The following CDC42BPB variants were observed in gnomAD, a reference collection of about 807,000 sequenced individuals.
CDC42BPB encodes CDC42 binding protein kinase beta, also known as serine/threonine-protein kinase MRCK beta.
Under a neutral mutation model 214.9 loss-of-function variants are expected in CDC42BPB, and 37 were observed. The ratio of observed to expected loss-of-function variants is 0.17; its 90% CI spans 0.13 to 0.23. The LOEUF is 0.23. CDC42BPB is among the 10% of genes least tolerant of loss of function. CDC42BPB has a pLI of 1.00. For synonymous variants in CDC42BPB, 931 were observed against 884.0 expected (o/e 1.05, Z -0.94); for missense variants, 1,694 against 2,227.0 (o/e 0.76, Z 4.82).
At chr14:103,012,019 G>A in intron 2 of CDC42BPB, 78 bp downstream of exon 2, 2 of 886,190 alleles carry the variant, frequency 2.3e-6, no homozygotes, top group Non-Finnish European at 3.8e-6. Context: ...CCAATGTATA[G>A]GTGCACAAAA....
chr14:102,989,051 A>G (rs765841161), intron 5 of CDC42BPB, among the ~76,000 whole-genome samples: 1 of 152,202 alleles, frequency 6.6e-6, no homozygotes, highest in Non-Finnish European at 1.5e-5. Flanking sequence ...ATTACAGATA[A>G]AAGGCAAATA....
chr14:102,964,772 C>CT, intron 18 of CDC42BPB, 122 bp from the exon 19 acceptor site: 3 of 1,345,488 alleles, frequency 2.2e-6, no homozygotes, highest in Non-Finnish European at 2.8e-6. Context: ...GATATTAACT[C>CT]TAAATTATGG....
intron 21 of CDC42BPB, among the ~76,000 whole-genome samples, chr14:102,955,251 C>T (rs373771014): frequency 1.3e-5 from 2 of 152,060 alleles, no homozygotes; most frequent in Non-Finnish European, 1.5e-5. Context: ...GGCGAAACCC[C>T]GTCTCTACTA....
At chr14:102,934,683 C>CCATA (rs1306935167) in intron 36 of CDC42BPB, among the ~76,000 whole-genome samples, 1 of 152,094 alleles carries the variant, frequency 6.6e-6, no homozygotes, top group Non-Finnish European at 1.5e-5. Context: ...AAACAGCTAA[C>CCATA]CATACCCAAT....
Position 103,026,025 on chromosome 14 carries a change from G to A in CDC42BPB, c.176-13837C>T, listed in dbSNP as rs575478321. The stretch of plus-strand genomic sequence containing the variant: ...ACCACATGCTGAAGAATAACTGTGC[G>A]CCCCTACCTCACACCATATACAAAA... On this transcript the variant is annotated intron_variant, in intron 1 of 36. Transcript: ENST00000361246. 1.6e-4 allele frequency among the ~76,000 whole-genome samples: 24 copies of A among 152,210 alleles called. No individual in the cohort carries two copies. In the South Asian group the frequency reaches 2.5e-3, roughly 16 times the overall value.
chr14:103,012,252 T>C (rs1306607144), intron 1 of CDC42BPB, 64 bp from the exon 2 acceptor site: 3 of 1,503,070 alleles, frequency 2.0e-6, no homozygotes, highest in Non-Finnish European at 2.7e-6. Context: ...AAAAATTTAA[T>C]TGAGTGGGGT....
At chr14:102,964,335 A>C (rs1464389683) in intron 19 of CDC42BPB, among the ~76,000 whole-genome samples, 167 bp downstream of exon 19, 4 of 152,226 alleles carry the variant, frequency 2.6e-5, no homozygotes, top group Admixed American at 6.5e-5. Context: ...ACGGCCTGCT[A>C]TTCGGGGCTC....
In CDC42BPB at chr14:102,967,262, A is replaced by T. The variant is rs1893253719; in HGVS notation, c.2347-92T>A. The stretch of plus-strand genomic sequence containing the variant: ...ACTGGAAGTTCTTTTGAAGACTCTG[A>T]AAGTTTTCTTTAATCGTCATGAGAT... On this transcript the variant is annotated intron_variant, in intron 16 of 36. Transcript: ENST00000361246. 3 of 1,476,014 alleles carry T rather than the reference A, an allele frequency of 2.0e-6. No homozygotes were observed. In the African/African-American group the frequency reaches 4.2e-5, roughly 21 times the overall value. The allele number at this position is 1,476,014 out of a possible 1,614,324, so 91.4% of individuals were successfully genotyped here. A position where few individuals can be genotyped will look rare whatever the true frequency, so the allele number is the denominator to read the frequency against.
intron 36 of CDC42BPB, 196 bp from the exon 37 acceptor site, chr14:102,934,039 G>A: frequency 7.4e-7 from 1 of 1,345,914 alleles, no homozygotes; most frequent in Non-Finnish European, 9.5e-7. Context: ...ACAAATTGAT[G>A]TCTAATCCCA....
intron 29 of CDC42BPB, chr14:102,945,327 T>C (rs1363110978): frequency 2.1e-6 from 1 of 475,198 alleles, no homozygotes; most frequent in South Asian, 1.6e-5. Flanking sequence ...CTGGGAAGAC[T>C]GAAGTGTCAA....
At chr14:103,054,976 T>C (rs1888862842) in intron 1 of CDC42BPB, among the ~76,000 whole-genome samples, 1 of 152,250 alleles carries the variant, frequency 6.6e-6, no homozygotes, top group African/African-American at 2.4e-5. Flanking sequence ...AGACTAATCT[T>C]CTAGGTCCCA....
Position 103,021,996 on chromosome 14 carries a change from AG to A in CDC42BPB, c.176-9809del, listed in dbSNP as rs774373009. Among the ~76,000 whole-genome samples the A allele has an allele frequency of 2.4e-4, 36 of 152,198 alleles. 1 individual carries two copies. Among genetic ancestry groups the A allele is most frequent in the Non-Finnish European group, 4.3e-4 (29 of 68,030 alleles). ...GACAGAGGCTGGTGGGCTGAGTGGCAGGGAAGCAGCTGGACAGGTGATGCAG... is the reference window on the plus strand; with the variant it reads ...GACAGAGGCTGGTGGGCTGAGTGGCAGGAAGCAGCTGGACAGGTGATGCAG... On this transcript the variant is annotated intron_variant, in intron 1 of 36. Transcript: ENST00000361246.
chr14:102,944,351 G>C lies in CDC42BPB; in HGVS notation c.3948C>G (p.Gly1316=), dbSNP rs755809535. Residue 1316 remains glycine (G), a synonymous_variant, in exon 30 of 37, where the codon GGC becomes GGG. Transcript: ENST00000361246. This position sits in a 1 kb window ranked among gnomAD's most constrained non-coding sequence, Gnocchi z 6.6. ...TTTCCGGAAGCTTGATGTCAAAGCTGCCTTCCGCTCCATCAAGGGACGACC... is the reference window on the plus strand; with the variant it reads ...TTTCCGGAAGCTTGATGTCAAAGCTCCCTTCCGCTCCATCAAGGGACGACC... ...YPWSSLDGAE[G]SFDIKLPETK... is the part of the protein sequence containing the mutation. The C allele has an allele frequency of 2.5e-5, 41 of 1,613,180 alleles. No individual in the cohort carries two copies. The highest frequency in any genetic ancestry group is 3.5e-5 in the Non-Finnish European group (41 of 1,180,016).
chr14:103,014,464 C>G (rs1886345332), intron 1 of CDC42BPB, among the ~76,000 whole-genome samples: 3 of 152,142 alleles, frequency 2.0e-5, no homozygotes, highest in Admixed American at 2.0e-4. Flanking sequence ...TCTGGGGGAA[C>G]TGAGTGAAGT....
At chr14:102,947,890 T>C in intron 26 of CDC42BPB, 88 bp from the exon 27 acceptor site, 5 of 1,599,196 alleles carry the variant, frequency 3.1e-6, no homozygotes, top group East Asian at 2.3e-5. Flanking sequence ...TGCCCTGCCA[T>C]GTCCTTCCAC....
chr14:102,935,188 T>C (rs1232519779), intron 36 of CDC42BPB, among the ~76,000 whole-genome samples: 2 of 152,094 alleles, frequency 1.3e-5, no homozygotes, highest in Non-Finnish European at 2.9e-5. Flanking sequence ...TCTTTGCAGA[T>C]GACATGATTA....
chr14:102,973,909 C>T lies in CDC42BPB; in HGVS notation c.1641+107G>A, dbSNP rs1384122865. The T allele has an allele frequency of 2.9e-6, 4 of 1,366,994 alleles. No individual in the cohort carries two copies. In the East Asian group the frequency reaches 7.3e-5, roughly 25 times the overall value. The allele number at this position is 1,366,994 out of a possible 1,614,324, so 84.7% of individuals were successfully genotyped here. Reference sequence around the variant, plus strand: ...GGCGTCCTGCATGCAGCAGGGACAGCCCATGGGCAGGAGTCCCAAGAGGTC... The same window carrying T: ...GGCGTCCTGCATGCAGCAGGGACAGTCCATGGGCAGGAGTCCCAAGAGGTC... On this transcript the variant is annotated intron_variant, in intron 12 of 36. Transcript: ENST00000361246.
At chr14:102,959,189 T>A (rs1351317172) in intron 21 of CDC42BPB, among the ~76,000 whole-genome samples, 1 of 150,806 alleles carries the variant, frequency 6.6e-6, no homozygotes, top group Admixed American at 6.6e-5. Context: ...CCCAGCTACT[T>A]GGGAGGCTGA....
Position 103,003,997 on chromosome 14 carries a change from A to G in CDC42BPB, c.378T>C (p.Asp126=), listed in dbSNP as rs757242504. Residue 126 remains aspartate (D), a synonymous_variant, in exon 4 of 37, where the codon GAT becomes GAC. Coordinates refer to ENST00000361246, the MANE Select transcript of CDC42BPB (RefSeq NM_006035.4). ...ACTGGCAGTCGCCGTTCACCAGCAC[A>G]TCGCGCTCCTCTCGGAAGCACGCGG... is the stretch of plus-strand genomic sequence containing the variant. ...AETACFREER[D]VLVNGDCQWI... The G allele has an allele frequency of 8.7e-6, 14 of 1,607,888 alleles. No individual in the cohort carries two copies. The highest frequency in any genetic ancestry group is 6.7e-5 in the African/African-American group (5 of 74,908).
Sources: allele counts gnomAD v4.1 joint callset (sites outside exome capture counted in the v4.1 genomes callset), GRCh38; gene constraint gnomAD v4.1.1; non-coding constraint Gnocchi (gnomAD v3.1); transcripts MANE v1.5; gene names NCBI Gene and HGNC (gene_info 2026-07-23, HGNC 2026-07-21).